KMT2C: variants seen among roughly 807,000 people sequenced by gnomAD.
The protein encoded by KMT2C is histone-lysine N-methyltransferase 2C.
Under a neutral mutation model 507.9 loss-of-function variants are expected in KMT2C, and 88 were observed. That is an observed-to-expected ratio of 0.17 (90% CI 0.15 to 0.21). The LOEUF (loss-of-function observed/expected upper bound fraction) is 0.21, where lower values mean the gene tolerates loss of function less well. Ranked by LOEUF, KMT2C falls within the 10% of genes least tolerant of loss-of-function variation. KMT2C has a pLI of 1.00. For synonymous variants in KMT2C, 2,049 were observed against 2,080.8 expected (o/e 0.98, Z 0.42); for missense variants, 4,954 against 5,957.8 (o/e 0.83, Z 5.55).
intron 6 of KMT2C, among the ~76,000 whole-genome samples, chr7:152,288,517 A>AGCTGG (rs2096348370): frequency 6.6e-6 from 1 of 152,006 alleles, no homozygotes; most frequent in Non-Finnish European, 1.5e-5. Context: ...TGGGCAAAAG[A>AGCTGG]GCAAAACTCT....
chr7:152,233,038 C>A (rs1453300183), intron 16 of KMT2C, among the ~76,000 whole-genome samples: 2 of 152,006 alleles, frequency 1.3e-5, no homozygotes, highest in African/African-American at 4.8e-5. Context: ...AATATATTCC[C>A]AGTATAAACC....
At chr7:152,393,915 A>AC (rs1363307743) in intron 1 of KMT2C, among the ~76,000 whole-genome samples, 1 of 152,056 alleles carries the variant, frequency 6.6e-6, no homozygotes, top group Non-Finnish European at 1.5e-5. Context: ...AAAAAAAAAA[A>AC]AAAAATCTGC....
At chr7:152,429,277 G>A (rs968697133) in intron 1 of KMT2C, among the ~76,000 whole-genome samples, 1 of 152,130 alleles carries the variant, frequency 6.6e-6, no homozygotes, top group Non-Finnish European at 1.5e-5. Context: ...TAGAAGTATA[G>A]AAAACTTAAG....
intron 1 of KMT2C, among the ~76,000 whole-genome samples, chr7:152,419,922 G>A (rs2097768138): frequency 6.6e-6 from 1 of 152,202 alleles, no homozygotes. Flanking sequence ...CTTCGGTAAA[G>A]TCTGTTTTCA....
At chr7:152,428,287 T>C (rs1426109641) in intron 1 of KMT2C, among the ~76,000 whole-genome samples, 3 of 151,996 alleles carry the variant, frequency 2.0e-5, no homozygotes, top group Non-Finnish European at 4.4e-5. Flanking sequence ...TAGATTCTAA[T>C]TAATGAAAAA....
chr7:152,392,923 TGTCTCTACTAAAAATTTAAACATTA>T (rs2097511177), intron 1 of KMT2C, among the ~76,000 whole-genome samples: 19 of 152,192 alleles, frequency 1.2e-4, no homozygotes, highest in African/African-American at 4.1e-4. Flanking sequence ...AGTGATATCT[TGTCTCTACTAAAAATTTAAACATTA>T]GCCGGGTGTG....
At chr7:152,237,339 CT>C (rs60903557) in intron 15 of KMT2C, among the ~76,000 whole-genome samples, 6,211 of 152,158 alleles carry the variant, frequency 0.041, 247 homozygotes, top group African/African-American at 0.14. Context: ...GGAGGAATGG[CT>C]TTTTTCCCTT....
chr7:152,315,056 T>C (rs1022028531), intron 4 of KMT2C, 82 bp downstream of exon 4: 19 of 1,219,620 alleles, frequency 1.6e-5, no homozygotes, highest in Non-Finnish European at 2.1e-5. Flanking sequence ...ACAATCCCAT[T>C]TGAAAATTTA....
chr7:152,393,510 T>C (rs1464430653), intron 1 of KMT2C, among the ~76,000 whole-genome samples: 1 of 152,168 alleles, frequency 6.6e-6, no homozygotes, highest in African/African-American at 2.4e-5. Flanking sequence ...ACCTGTTCCT[T>C]ACAGAGTCCA....
At chr7:152,298,622 T>C (rs2096536964) in intron 6 of KMT2C, among the ~76,000 whole-genome samples, 1 of 152,140 alleles carries the variant, frequency 6.6e-6, no homozygotes, top group South Asian at 2.1e-4. Flanking sequence ...CCAGGAGACT[T>C]TCACTGCAAG....
At chr7:152,292,643 A>G (rs962057206) in intron 6 of KMT2C, among the ~76,000 whole-genome samples, 16 of 152,108 alleles carry the variant, frequency 1.1e-4, no homozygotes, top group African/African-American at 3.9e-4. Context: ...CAGCTGGAGG[A>G]CCGAATGTGA....
At chr7:152,347,142 A>G (rs371815230) in intron 2 of KMT2C, among the ~76,000 whole-genome samples, 1 of 152,156 alleles carries the variant, frequency 6.6e-6, no homozygotes, top group Non-Finnish European at 1.5e-5. Context: ...AAAGAAAATC[A>G]TAAGGAAGAG....
chr7:152,358,526 C>G (rs2129231263), intron 2 of KMT2C, 61 bp downstream of exon 2: 2 of 985,106 alleles, frequency 2.0e-6, no homozygotes, highest in Non-Finnish European at 3.2e-6. Context: ...ATGCTACATG[C>G]AGTGTACAAA....
chr7:152,206,233 C>T (rs2094305725), intron 24 of KMT2C, among the ~76,000 whole-genome samples: 2 of 151,796 alleles, frequency 1.3e-5, no homozygotes, highest in African/African-American at 4.8e-5. Flanking sequence ...CAATTTACTC[C>T]GTGACCTAAT....
intron 2 of KMT2C, among the ~76,000 whole-genome samples, chr7:152,346,175 T>C (rs551754041): frequency 2.6e-5 from 4 of 152,244 alleles, no homozygotes; most frequent in East Asian, 1.9e-4. Context: ...CTCTCAGAAA[T>C]AGATCTGGCG....
At chr7:152,387,239 T>C (rs1313576877) in intron 1 of KMT2C, among the ~76,000 whole-genome samples, 3 of 151,832 alleles carry the variant, frequency 2.0e-5, no homozygotes, top group Non-Finnish European at 4.4e-5. Flanking sequence ...ATACAACTTC[T>C]ATTTGGTTTT....
At position 152,144,613 on chromosome 7, in the gene KMT2C, C is replaced by T. The variant is rs776842902; in HGVS notation, c.14343+100G>A. 52 of 1,161,388 alleles carry T rather than the reference C, an allele frequency of 4.5e-5. No individual in the cohort carries two copies. Among genetic ancestry groups the T allele is most frequent in the Non-Finnish European group, 6.2e-5 (50 of 801,942 alleles). The allele number at this position is 1,161,388 out of a possible 1,614,324, so 71.9% of individuals were successfully genotyped here. On this transcript the variant is annotated intron_variant, in intron 55 of 58. Coordinates refer to ENST00000262189, the MANE Select transcript of KMT2C (RefSeq NM_170606.3). This position sits in a 1 kb window ranked among gnomAD's most constrained non-coding sequence, Gnocchi z 4.4. ...TTTTGAAAACACGTTTCTGTCCCTG[C>T]AGCTATGTGAAATCATTTTCACATA...
chr7:152,351,640 G>T (rs866698666), intron 2 of KMT2C, among the ~76,000 whole-genome samples: 23 of 152,296 alleles, frequency 1.5e-4, no homozygotes, highest in African/African-American at 5.5e-4. Context: ...CATGGTGGAA[G>T]AAATAAATTG....
At position 152,181,159 on chromosome 7, in the gene KMT2C, G is replaced by A. The variant is rs2129119714; in HGVS notation, c.6701C>T (p.Thr2234Ile). The A allele has an allele frequency of 6.2e-7, 1 of 1,614,168 alleles. No homozygotes were observed. The highest frequency in any genetic ancestry group is 8.5e-7 in the Non-Finnish European group (1 of 1,180,034). The part of the protein sequence containing the change: ...TPRPRISEGF[T>I]RSSMTRPVLM... ...GACTGGTCTTGTCATTGAGGACCTA[G>A]TAAAACCCTCTGAAATCCTTGGCCT... is the stretch of plus-strand genomic sequence containing the variant. Residue 2234 changes from threonine (T) to isoleucine (I), a missense_variant, in exon 36 of 59, where the codon ACT becomes ATT. Around this residue, in one of 29 missense-constraint regions of KMT2C, gnomAD observed 1,689 missense variants for 1,654.3 expected, o/e 1.02. Coordinates refer to ENST00000262189, the MANE Select transcript of KMT2C (RefSeq NM_170606.3).
Sources: gnomAD v4.1 joint callset for allele counts (sites outside exome capture counted in the v4.1 genomes callset) on GRCh38, gnomAD v4.1.1 for gene constraint, gnomAD v4.1.1 regional missense constraint, Gnocchi (gnomAD v3.1) non-coding constraint, MANE v1.5 for transcripts, NCBI Gene and HGNC (gene_info 2026-07-23, HGNC 2026-07-21) for gene names.